Variants in CA10 observed in about 807,000 individuals in gnomAD.
CA10 encodes the protein carbonic anhydrase 10 (inactive).
CA10 carries 14 observed loss-of-function variants against 44.2 expected under a neutral mutation model. The observed-to-expected ratio is 0.32, with a 90% confidence interval of 0.21 to 0.50. The LOEUF is 0.50. Among genes scored for constraint, CA10 ranks in the 20% least tolerant of loss-of-function variants. CA10 has a pLI of 0.99. For synonymous variants in CA10, 159 were observed against 141.6 expected (o/e 1.12, Z -0.87); for missense variants, 350 against 409.7 (o/e 0.85, Z 1.26).
intron 3 of CA10, among the ~76,000 whole-genome samples, chr17:51,840,765 A>C (rs1978312892): frequency 6.6e-6 from 1 of 152,146 alleles, no homozygotes; most frequent in African/African-American, 2.4e-5. Context: ...GAAGGCCAAG[A>C]AGTTTTGAGT....
intron 1 of CA10, chr17:52,134,790 G>C: frequency 2.0e-6 from 1 of 499,918 alleles, no homozygotes; most frequent in Admixed American, 2.0e-5. Context: ...CATGACAGCT[G>C]CCTCTTCCAC....
intron 3 of CA10, among the ~76,000 whole-genome samples, chr17:51,792,046 G>A (rs1906538995): frequency 6.6e-6 from 1 of 152,204 alleles, no homozygotes; most frequent in African/African-American, 2.4e-5. Context: ...GAGACAACAA[G>A]TGAGAGAGAA....
At chr17:51,813,039 A>T (rs541276112) in intron 3 of CA10, among the ~76,000 whole-genome samples, 7 of 152,344 alleles carry the variant, frequency 4.6e-5, no homozygotes, top group Admixed American at 1.3e-4. Flanking sequence ...TTAAAATTTC[A>T]CTTGGACTAA....
rs866736218 is a variant in CA10, at chr17:51,878,922, A to T, written c.279+52068T>A. On this transcript the variant is annotated intron_variant, in intron 3 of 8. Coordinates refer to ENST00000451037, the MANE Select transcript of CA10 (RefSeq NM_020178.5). ...TGTGTGTGTGTGTGTGTATGTGTGT[A>T]TGTGTGTTTGTGTATATATATATAT... is the stretch of plus-strand genomic sequence containing the variant. Among the ~76,000 whole-genome samples, 61 of 87,578 alleles carry T rather than the reference A, an allele frequency of 7.0e-4. 2 individuals are homozygous for T. The South Asian group carries it at 0.012, about 17-fold the overall frequency. 57.5% of individuals were successfully genotyped at this position (87,578 alleles called of 152,430 possible).
At chr17:51,823,869 T>G (rs958019354) in intron 3 of CA10, among the ~76,000 whole-genome samples, 1 of 152,230 alleles carries the variant, frequency 6.6e-6, no homozygotes, top group Admixed American at 6.5e-5. Context: ...TTGTGACACA[T>G]TAGACATAAC....
intron 2 of CA10, among the ~76,000 whole-genome samples, chr17:51,943,878 C>T (rs117896687): frequency 0.01 from 1,546 of 152,228 alleles, 12 homozygotes; most frequent in Middle Eastern, 0.075. Flanking sequence ...AAAAACACAT[C>T]GACTAAAGGG....
chr17:51,637,266 G>A (rs1222193845), intron 6 of CA10, among the ~76,000 whole-genome samples: 2 of 152,106 alleles, frequency 1.3e-5, no homozygotes, highest in Non-Finnish European at 2.9e-5. Context: ...TCTCAATGAT[G>A]CAATTCCCCA....
At chr17:52,002,509 A>C (rs1985459701) in intron 2 of CA10, among the ~76,000 whole-genome samples, 2 of 152,026 alleles carry the variant, frequency 1.3e-5, no homozygotes, top group African/African-American at 4.8e-5. Flanking sequence ...CAAAGAAAAA[A>C]AGTCCAATGT....
chr17:52,135,133 A>G (rs1989327152), intron 1 of CA10: 1 of 372,730 alleles, frequency 2.7e-6, no homozygotes, highest in African/African-American at 2.1e-5. Context: ...TAACCTTAAA[A>G]ATTGAGTTCT....
At chr17:51,848,853 C>T (rs1332327766) in intron 3 of CA10, among the ~76,000 whole-genome samples, 1 of 151,990 alleles carries the variant, frequency 6.6e-6, no homozygotes, top group Non-Finnish European at 1.5e-5. Context: ...TCTTGACCAG[C>T]CAGGGCAAAA....
intron 3 of CA10, among the ~76,000 whole-genome samples, chr17:51,760,227 CA>C (rs1258473055): frequency 2.0e-5 from 3 of 152,236 alleles, no homozygotes; most frequent in African/African-American, 7.2e-5. Flanking sequence ...GCCAGTTTTT[CA>C]AAGTAGAAAT....
At chr17:52,126,876 T>G (rs1989131404) in intron 1 of CA10, among the ~76,000 whole-genome samples, 1 of 152,230 alleles carries the variant, frequency 6.6e-6, no homozygotes, top group Admixed American at 6.5e-5. Context: ...CAATGCCTTT[T>G]CTATATTACA....
At chr17:51,676,735 T>C (rs1315828670) in intron 4 of CA10, among the ~76,000 whole-genome samples, 2 of 152,212 alleles carry the variant, frequency 1.3e-5, no homozygotes, top group Admixed American at 1.3e-4. Context: ...TTTAGCAGGT[T>C]ATGTGCACCC....
intron 2 of CA10, among the ~76,000 whole-genome samples, chr17:52,031,831 G>T (rs941403798): frequency 6.6e-6 from 1 of 152,068 alleles, no homozygotes; most frequent in South Asian, 2.1e-4. Context: ...ATGAAAAAAA[G>T]ATACAGTTGA....
At chr17:51,914,823 T>A (rs1981929216) in intron 3 of CA10, among the ~76,000 whole-genome samples, 1 of 152,224 alleles carries the variant, frequency 6.6e-6, no homozygotes, top group African/African-American at 2.4e-5. Context: ...GCTCTGTTTC[T>A]TGTCATCTCT....
chr17:51,962,029 T>A (rs1567901642), intron 2 of CA10, among the ~76,000 whole-genome samples: 1 of 152,220 alleles, frequency 6.6e-6, no homozygotes, highest in African/African-American at 2.4e-5. Context: ...CAACTCCTCC[T>A]GTGCAGAGAC....
chr17:51,897,840 T>C (rs146737869), intron 3 of CA10, among the ~76,000 whole-genome samples: 16 of 148,116 alleles, frequency 1.1e-4, no homozygotes, highest in African/African-American at 3.5e-4. Flanking sequence ...GTGAATAAGA[T>C]CATGTTCTAG....
chr17:51,960,435 T>G (rs926543291), intron 2 of CA10, among the ~76,000 whole-genome samples: 1 of 151,918 alleles, frequency 6.6e-6, no homozygotes. Context: ...AAAAAAAAAT[T>G]TCATGCAAAT....
chr17:51,785,467 A>G (rs186329910), intron 3 of CA10, among the ~76,000 whole-genome samples: 122 of 152,332 alleles, frequency 8.0e-4, no homozygotes, highest in African/African-American at 2.8e-3. Flanking sequence ...CTACAGTGAG[A>G]TATCATCTCA....
Sources: gnomAD v4.1 joint callset for allele counts (sites outside exome capture counted in the v4.1 genomes callset) on GRCh38, gnomAD v4.1.1 for gene constraint, MANE v1.5 for transcripts, NCBI Gene and HGNC (gene_info 2026-07-23, HGNC 2026-07-21) for gene names.